DCUN1D2: variants seen among roughly 807,000 people sequenced by gnomAD.
The protein encoded by DCUN1D2 is defective in cullin neddylation 1 domain containing 2.
A neutral mutation model predicts 30.9 loss-of-function variants in DCUN1D2; 29 were observed. The ratio of observed to expected loss-of-function variants is 0.94; its 90% CI spans 0.70 to 1.28. The LOEUF (loss-of-function observed/expected upper bound fraction) is 1.28. Among genes scored for constraint, DCUN1D2 ranks in the 50% most tolerant of loss-of-function variants. The probability of loss-of-function intolerance (pLI) is 0.00; values close to 1 mark genes in which losing one functional copy is unlikely to be tolerated. For synonymous variants in DCUN1D2, 121 were observed against 115.3 expected (o/e 1.05, Z -0.32); for missense variants, 325 against 316.9 (o/e 1.03, Z -0.19).
intron 4 of DCUN1D2, among the ~76,000 whole-genome samples, chr13:113,471,281 C>CCAACTCCACAGAAGACA (rs1373274886): frequency 6.7e-6 from 1 of 149,622 alleles, no homozygotes; most frequent in African/African-American, 2.5e-5. Flanking sequence ...CACAGGGGAC[C>CCAACTCCACAGAAGACA]CAACTCCACA....
intron 5 of DCUN1D2, chr13:113,459,681 T>C: frequency 3.6e-6 from 1 of 275,308 alleles, no homozygotes. Context: ...GGGCAGCATT[T>C]TAATCTCGTT....
At chr13:113,474,641 C>T (rs964419586) in intron 3 of DCUN1D2, among the ~76,000 whole-genome samples, 11 of 152,110 alleles carry the variant, frequency 7.2e-5, no homozygotes, top group East Asian at 1.9e-4. Flanking sequence ...GGAACAAGGG[C>T]GTGGTCTAAC....
intron 4 of DCUN1D2, among the ~76,000 whole-genome samples, chr13:113,465,306 T>A (rs1027695894): frequency 3.9e-5 from 6 of 152,064 alleles, no homozygotes; most frequent in African/African-American, 1.5e-4. Flanking sequence ...AATCCTCACT[T>A]TGGAAAGGAA....
chr13:113,483,534 G>A (rs2044746007), intron 2 of DCUN1D2, among the ~76,000 whole-genome samples: 1 of 152,162 alleles, frequency 6.6e-6, no homozygotes, highest in South Asian at 2.1e-4. Flanking sequence ...AAGCCTCCCA[G>A]CAGCAGCTTT....
intron 4 of DCUN1D2, among the ~76,000 whole-genome samples, chr13:113,462,265 A>T (rs2044330454): frequency 6.6e-6 from 1 of 151,038 alleles, no homozygotes; most frequent in Admixed American, 6.6e-5. Flanking sequence ...AAAAAAAAAA[A>T]ATTAAATAAA....
At chr13:113,478,093 T>C (rs963941260) in intron 3 of DCUN1D2, among the ~76,000 whole-genome samples, 4 of 152,238 alleles carry the variant, frequency 2.6e-5, no homozygotes, top group Non-Finnish European at 4.4e-5. Context: ...CTTCCTTTAC[T>C]TCTCTGGAAG....
At position 113,480,750 on chromosome 13, in the gene DCUN1D2, T is replaced by C; in HGVS notation, c.221-7A>G. ...TTGTTTTCATCTTGTGGATCTGTAG[T>C]TAATATCAGGGGAAAAGGAAGTTAT... On this transcript the variant is annotated splice_region_variant and splice_polypyrimidine_tract_variant and intron_variant, in intron 2 of 6. Coordinates refer to ENST00000478244, the MANE Select transcript of DCUN1D2 (RefSeq NM_001014283.2). 1 of 1,612,996 alleles carries C rather than the reference T, an allele frequency of 6.2e-7. No homozygotes were observed. Among genetic ancestry groups the C allele is most frequent in the South Asian group, 1.1e-5 (1 of 90,666 alleles).
Position 113,490,481 on chromosome 13 carries a change from C to G in DCUN1D2, c.3+186G>C. The G allele has an allele frequency of 1.7e-6, 1 of 593,736 alleles. No homozygotes were observed. The allele number at this position is 593,736 out of a possible 1,614,324, so 36.8% of individuals were successfully genotyped here. On this transcript the variant is annotated intron_variant, in intron 1 of 6. Transcript: ENST00000478244. This position sits in a 1 kb window ranked among gnomAD's most constrained non-coding sequence, Gnocchi z 5.2. ...GGGTCAAACCCGCGCTCCCCGCGGT[C>G]CCGCGCCTCCGACGCCACCGCTCCG... is the stretch of plus-strand genomic sequence containing the variant.
At chr13:113,477,354 A>G (rs1286678351) in intron 3 of DCUN1D2, among the ~76,000 whole-genome samples, 1 of 152,188 alleles carries the variant, frequency 6.6e-6, no homozygotes, top group East Asian at 1.9e-4. Context: ...CTTCAATCCA[A>G]TTTATTCTAG....
At chr13:113,472,810 C>T (rs2044544919) in intron 4 of DCUN1D2, among the ~76,000 whole-genome samples, 1 of 152,238 alleles carries the variant, frequency 6.6e-6, no homozygotes, top group African/African-American at 2.4e-5. Flanking sequence ...CCGCTACTGT[C>T]ACCCAAGAGG....
At chr13:113,462,689 A>G in intron 4 of DCUN1D2, 1 of 935,690 alleles carries the variant, frequency 1.1e-6, no homozygotes, top group Middle Eastern at 3.0e-4. Flanking sequence ...AGAAAGAGAG[A>G]GTCAGAAAGT....
intron 4 of DCUN1D2, among the ~76,000 whole-genome samples, chr13:113,467,658 T>TA (rs1204788884): frequency 3.9e-4 from 59 of 151,004 alleles, no homozygotes; most frequent in South Asian, 1.3e-3. Flanking sequence ...GACAGGAATG[T>TA]AAAAAAAAAT....
chr13:113,487,329 G>A (rs1217092322), intron 1 of DCUN1D2, among the ~76,000 whole-genome samples: 1 of 152,188 alleles, frequency 6.6e-6, no homozygotes, highest in African/African-American at 2.4e-5. Context: ...TTAAAAATCT[G>A]CCATGGTTAT....
At chr13:113,490,775 G>T, upstream of DCUN1D2, 18 of 1,060,010 alleles carry the variant, frequency 1.7e-5, no homozygotes, top group Non-Finnish European at 1.9e-5. This position sits in a 1 kb window ranked among gnomAD's most constrained non-coding sequence, Gnocchi z 5.2. Flanking sequence ...CCGGGGCAGT[G>T]CCGGGAGCCG....
At chr13:113,464,303 A>G (rs2044367072) in intron 4 of DCUN1D2, among the ~76,000 whole-genome samples, 1 of 152,220 alleles carries the variant, frequency 6.6e-6, no homozygotes, top group Non-Finnish European at 1.5e-5. Context: ...TCAAGGATAA[A>G]CTATAAATCT....
At chr13:113,490,960 C>G (rs569395263), upstream of DCUN1D2, 29 of 197,172 alleles carry the variant, frequency 1.5e-4, no homozygotes, top group East Asian at 9.2e-4. The surrounding 1 kb of genome is among the most constrained non-coding windows in gnomAD (Gnocchi z 5.2). Flanking sequence ...GCTCGCCGCC[C>G]GCGGCCGACG....
Position 113,474,254 on chromosome 13 carries a change from C to T in DCUN1D2, c.390G>A (p.Gly130=), listed in dbSNP as rs755119638. 1.9e-6 allele frequency: 3 copies of T among 1,613,642 alleles called. No homozygotes were observed. Among genetic ancestry groups the T allele is most frequent in the South Asian group, 2.2e-5 (2 of 91,068 alleles). Reference sequence around the variant, plus strand: ...CCTTTAGCTTCTCCATGCTGTCACACCTGCGATGACAGAGAGTGGTTTGTC... The same window carrying T: ...CCTTTAGCTTCTCCATGCTGTCACATCTGCGATGACAGAGAGTGGTTTGTC... ...KEFLDGMTEL[G]CDSMEKLKAL... is the part of the protein sequence containing the mutation. The change falls in exon 4 of 7, where the codon GGG becomes GGA. Residue 130 remains glycine (G), a splice_region_variant and synonymous_variant. Transcript: ENST00000478244.
intron 4 of DCUN1D2, 140 bp downstream of exon 4, chr13:113,473,984 G>A: frequency 1.0e-6 from 1 of 1,000,012 alleles, no homozygotes; most frequent in Non-Finnish European, 1.5e-6. Context: ...CAGCCTAGGT[G>A]ACAGAGCAAG....
At chr13:113,484,445 A>G (rs1744008761) in intron 1 of DCUN1D2, among the ~76,000 whole-genome samples, 1 of 152,200 alleles carries the variant, frequency 6.6e-6, no homozygotes, top group African/African-American at 2.4e-5. Flanking sequence ...TGGTTTCAAT[A>G]AAGTTCAGGC....
Sources: allele counts gnomAD v4.1 joint callset (sites outside exome capture counted in the v4.1 genomes callset), GRCh38; gene constraint gnomAD v4.1.1; non-coding constraint Gnocchi (gnomAD v3.1); transcripts MANE v1.5; gene names NCBI Gene and HGNC (gene_info 2026-07-23, HGNC 2026-07-21).